Variants in OXSR1 observed in about 807,000 individuals in gnomAD.
The protein encoded by OXSR1 is oxidative stress responsive kinase 1, also known as serine/threonine-protein kinase OSR1.
In OXSR1, 24 loss-of-function variants were observed where a neutral mutation model predicts 79.8. The observed-to-expected ratio is 0.30, with a 90% CI of 0.22 to 0.42. OXSR1 has a LOEUF of 0.42. Ranked by LOEUF, OXSR1 falls within the 10% of genes least tolerant of loss-of-function variation. OXSR1 has a pLI of 1.00. For synonymous variants in OXSR1, 226 were observed against 209.2 expected (o/e 1.08, Z -0.69); for missense variants, 430 against 618.4 (o/e 0.70, Z 3.23).
At chr3:38,237,881 A>G (rs1702951562) in intron 11 of OXSR1, among the ~76,000 whole-genome samples, 1 of 151,932 alleles carries the variant, frequency 6.6e-6, no homozygotes, top group African/African-American at 2.4e-5. Flanking sequence ...TTTTCATGTG[A>G]CTCCTGTTTG....
At chr3:38,209,847 C>T (rs2125827706) in intron 4 of OXSR1, among the ~76,000 whole-genome samples, 1 of 152,226 alleles carries the variant, frequency 6.6e-6, no homozygotes, top group South Asian at 2.1e-4. Context: ...TGGTCTCAAT[C>T]TCCTGACCTC....
intron 12 of OXSR1, among the ~76,000 whole-genome samples, chr3:38,245,829 A>G (rs1172283394): frequency 6.6e-6 from 1 of 152,204 alleles, no homozygotes; most frequent in Non-Finnish European, 1.5e-5. Context: ...AAAATCGCCA[A>G]ATTGTACAGT....
At chr3:38,216,646 A>G (rs570756117) in intron 5 of OXSR1, among the ~76,000 whole-genome samples, 1 of 152,250 alleles carries the variant, frequency 6.6e-6, no homozygotes, top group African/African-American at 2.4e-5. Flanking sequence ...AAAAGTGGCT[A>G]TCCTGATGAA....
intron 11 of OXSR1, among the ~76,000 whole-genome samples, chr3:38,238,110 T>G (rs1473389194): frequency 6.6e-6 from 1 of 152,170 alleles, no homozygotes; most frequent in Non-Finnish European, 1.5e-5. Flanking sequence ...ATAGTAGCTT[T>G]CTTATAACCT....
At chr3:38,214,851 G>A (rs1333923620) in intron 4 of OXSR1, among the ~76,000 whole-genome samples, 1 of 152,166 alleles carries the variant, frequency 6.6e-6, no homozygotes, top group African/African-American at 2.4e-5. Context: ...GCCAAGGAAT[G>A]GTTATATCTA....
At chr3:38,212,175 A>C (rs1461553487) in intron 4 of OXSR1, among the ~76,000 whole-genome samples, 2 of 152,206 alleles carry the variant, frequency 1.3e-5, no homozygotes, top group African/African-American at 4.8e-5. Flanking sequence ...CTTAGACTTT[A>C]GCAGTAACCA....
intron 1 of OXSR1, among the ~76,000 whole-genome samples, chr3:38,173,978 G>A (rs906180049): frequency 6.6e-6 from 1 of 152,224 alleles, no homozygotes; most frequent in Non-Finnish European, 1.5e-5. Flanking sequence ...AGAAGGTGAA[G>A]AAGTGAATGA....
At chr3:38,180,891 T>A (rs1701772463) in intron 1 of OXSR1, among the ~76,000 whole-genome samples, 1 of 152,088 alleles carries the variant, frequency 6.6e-6, no homozygotes. Context: ...TGCTTCCCTC[T>A]TTCACTTACG....
intron 4 of OXSR1, among the ~76,000 whole-genome samples, chr3:38,202,146 T>G (rs1287567874): frequency 1.3e-5 from 2 of 152,130 alleles, no homozygotes; most frequent in African/African-American, 4.8e-5. Flanking sequence ...AGTAATTTCA[T>G]AATTGGGTCA....
chr3:38,166,646 T>G (rs1165189327), intron 1 of OXSR1, among the ~76,000 whole-genome samples: 1 of 151,570 alleles, frequency 6.6e-6, no homozygotes, highest in Non-Finnish European at 1.5e-5. Flanking sequence ...CAAAAATTAG[T>G]TGGGTGTGGT....
chr3:38,202,969 G>A (rs941592915), intron 4 of OXSR1, among the ~76,000 whole-genome samples: 2 of 152,176 alleles, frequency 1.3e-5, no homozygotes, highest in Non-Finnish European at 2.9e-5. Flanking sequence ...CCAGCTTCTT[G>A]TAGAAGGCTG....
chr3:38,223,556 C>T (rs891846203), intron 6 of OXSR1, among the ~76,000 whole-genome samples: 2 of 151,882 alleles, frequency 1.3e-5, no homozygotes, highest in Non-Finnish European at 2.9e-5. Context: ...GATTCTCCTG[C>T]CTCAGCCTTC....
chr3:38,222,523 G>A (rs1702609670), intron 6 of OXSR1, among the ~76,000 whole-genome samples: 1 of 152,098 alleles, frequency 6.6e-6, no homozygotes, highest in Non-Finnish European at 1.5e-5. Flanking sequence ...GGTCTCTAGA[G>A]GCCCTTCAGT....
chr3:38,165,718 G>A lies in OXSR1; in HGVS notation c.-159G>A, dbSNP rs1436302137. The A allele has an allele frequency of 5.0e-6, 3 of 603,834 alleles. No individual in the cohort carries two copies. The highest frequency in any genetic ancestry group is 3.3e-5 in the Admixed American group (1 of 30,458). The allele number at this position is 603,834 out of a possible 1,614,324, so 37.4% of individuals were successfully genotyped here. A position where few individuals can be genotyped will look rare whatever the true frequency, so the allele number is the denominator to read the frequency against. On this transcript the variant is annotated 5_prime_UTR_variant, in exon 1 of 18. Transcript: ENST00000311806. ...AGCCCCCGCTGCTCTGCCGCGCGGTGACCCCGCGCCCCGGCGCCGTCCGAC... is the reference window on the plus strand; with the variant it reads ...AGCCCCCGCTGCTCTGCCGCGCGGTAACCCCGCGCCCCGGCGCCGTCCGAC...
intron 4 of OXSR1, 62 bp downstream of exon 4, chr3:38,198,925 C>T (rs1008559253): frequency 4.2e-6 from 6 of 1,417,836 alleles, no homozygotes; most frequent in Non-Finnish European, 5.9e-6. Flanking sequence ...CACTCTTTTA[C>T]AGAATCGTGA....
chr3:38,226,383 G>T (rs1575354931), intron 8 of OXSR1, among the ~76,000 whole-genome samples: 1 of 152,092 alleles, frequency 6.6e-6, no homozygotes, highest in East Asian at 1.9e-4. Flanking sequence ...AGAGAAGACT[G>T]TGACTATGAC....
chr3:38,239,472 G>C (rs980553866), intron 11 of OXSR1, among the ~76,000 whole-genome samples: 2 of 152,112 alleles, frequency 1.3e-5, no homozygotes, highest in Non-Finnish European at 2.9e-5. Context: ...GTAGTGTTCA[G>C]CCTACAGCCA....
At chr3:38,192,127 A>T (rs370453227) in intron 3 of OXSR1, among the ~76,000 whole-genome samples, 73 of 152,228 alleles carry the variant, frequency 4.8e-4, no homozygotes, top group Non-Finnish European at 6.9e-4. Context: ...TTCAAGTATT[A>T]TTATAGACCC....
At chr3:38,165,010 C>A (rs1338838408), upstream of OXSR1, 1 of 152,244 alleles carries the variant, frequency 6.6e-6, no homozygotes, top group East Asian at 1.9e-4. Flanking sequence ...GAGCCTTTCG[C>A]ACGTCTCGAG....
Sources: allele counts gnomAD v4.1 joint callset (sites outside exome capture counted in the v4.1 genomes callset), GRCh38; gene constraint gnomAD v4.1.1; transcripts MANE v1.5; gene names NCBI Gene and HGNC (gene_info 2026-07-23, HGNC 2026-07-21).